The following JMY variants were observed in gnomAD, a reference collection of about 807,000 sequenced individuals.
The protein encoded by JMY is junction mediating and regulatory protein, p53 cofactor.
JMY carries 46 observed loss-of-function variants against 103.3 expected under a neutral mutation model. That is an observed-to-expected ratio of 0.45 (90% confidence interval 0.35 to 0.57). The LOEUF is 0.57. Among genes scored for constraint, JMY ranks in the 20% least tolerant of loss-of-function variants. JMY has a pLI of 0.00. For synonymous variants in JMY, 526 were observed against 489.3 expected, an observed-to-expected ratio of 1.07 and a Z score of -0.99; for missense variants, 1,238 against 1,255.2, an observed-to-expected ratio of 0.99 and a Z score of 0.21.
chr5:79,314,642 C>CCA lies in JMY; in HGVS notation c.2450_2451insCA (p.Pro818IlefsTer71). On this transcript the variant is annotated frameshift_variant, in exon 9 of 11. Transcript: ENST00000396137. LOFTEE classifies it high-confidence loss of function. ...CCAACACCACCACCTCCCCCACCTC[C>CCA]TCCCCCTCCCCCACCACCACCACCT... 6.9e-7 allele frequency: 1 copy of CCA among 1,453,252 alleles called. No individual in the cohort carries two copies. Among genetic ancestry groups the CCA allele is most frequent in the Non-Finnish European group, 9.5e-7 (1 of 1,048,588 alleles). The allele number at this position is 1,453,252 out of a possible 1,614,324, so 90.0% of individuals were successfully genotyped here.
chr5:79,313,358 G>A (rs774071528), intron 8 of JMY, among the ~76,000 whole-genome samples: 1 of 152,138 alleles, frequency 6.6e-6, no homozygotes. Context: ...GGTCATGGCT[G>A]CAGTGAGCTG....
chr5:79,299,088 C>T (rs774129989), intron 4 of JMY, among the ~76,000 whole-genome samples: 5 of 152,120 alleles, frequency 3.3e-5, no homozygotes, highest in Non-Finnish European at 7.3e-5. Flanking sequence ...CCCTTTTGTT[C>T]CTCTCGTCTC....
intron 1 of JMY, among the ~76,000 whole-genome samples, chr5:79,268,353 G>A (rs1022925582): frequency 1.3e-5 from 2 of 152,062 alleles, no homozygotes; most frequent in African/African-American, 2.4e-5. Context: ...TGGTTGTTCC[G>A]CATCCTCTAG....
intron 2 of JMY, chr5:79,284,620 A>G (rs561702957): frequency 7.1e-6 from 11 of 1,552,314 alleles, no homozygotes; most frequent in East Asian, 2.2e-5. Flanking sequence ...GATCCATGCC[A>G]TGGAAGTTAG....
At chr5:79,294,027 G>T (rs1453240969) in intron 4 of JMY, among the ~76,000 whole-genome samples, 2 of 152,172 alleles carry the variant, frequency 1.3e-5, no homozygotes, top group Admixed American at 1.3e-4. Flanking sequence ...TATGCTGGAA[G>T]TGTTATTAAA....
At chr5:79,300,550 C>T (rs897371407) in intron 5 of JMY, 126 bp from the exon 6 acceptor site, 1 of 786,274 alleles carries the variant, frequency 1.3e-6, no homozygotes, top group Non-Finnish European at 2.0e-6. Flanking sequence ...TCACCACTTA[C>T]AAAGAAGCTT....
chr5:79,267,776 A>T (rs890782481), intron 1 of JMY, among the ~76,000 whole-genome samples: 1 of 152,202 alleles, frequency 6.6e-6, no homozygotes, highest in African/African-American at 2.4e-5. Flanking sequence ...TTGCTTATCC[A>T]TTCACCTGTT....
rs539581871 is a variant in JMY at position 79,236,330 on chromosome 5, C to G, written c.-321C>G. On this transcript the variant is annotated 5_prime_UTR_variant, in exon 1 of 11. Coordinates refer to ENST00000396137, the MANE Select transcript of JMY (RefSeq NM_152405.5). The stretch of plus-strand genomic sequence containing the variant: ...CACCACCGGAGCGCCGCAGACGCAG[C>G]TCCACGGCCTCGCGCGGGGGGCGGC... The G allele has an allele frequency of 6.6e-5, 14 of 212,278 alleles. No homozygotes were observed. Among genetic ancestry groups the G allele is most frequent in the African/African-American group, 3.2e-4 (14 of 43,614 alleles). The allele number at this position is 212,278 out of a possible 1,614,324, so 13.1% of individuals were successfully genotyped here. A position where few individuals can be genotyped will look rare whatever the true frequency, so the allele number is the denominator to read the frequency against.
chr5:79,282,625 T>C (rs1453827046), intron 2 of JMY, among the ~76,000 whole-genome samples: 1 of 152,150 alleles, frequency 6.6e-6, no homozygotes, highest in Non-Finnish European at 1.5e-5. Flanking sequence ...ACAATCTCTG[T>C]CAGAGATTGG....
chr5:79,305,261 C>T (rs1746845756), intron 6 of JMY, among the ~76,000 whole-genome samples: 1 of 152,036 alleles, frequency 6.6e-6, no homozygotes, highest in Non-Finnish European at 1.5e-5. Flanking sequence ...ACCAATCTGG[C>T]CAACATGGTG....
intron 1 of JMY, among the ~76,000 whole-genome samples, chr5:79,237,996 C>T (rs984089806): frequency 6.6e-6 from 1 of 152,152 alleles, no homozygotes; most frequent in East Asian, 1.9e-4. Flanking sequence ...CATGGGCTAC[C>T]TGAGCATTTT....
intron 1 of JMY, among the ~76,000 whole-genome samples, chr5:79,249,483 G>T (rs1745010168): frequency 6.6e-6 from 1 of 152,202 alleles, no homozygotes; most frequent in Admixed American, 6.5e-5. Flanking sequence ...TCCCTGTATA[G>T]CCTTGGAGTT....
intron 8 of JMY, 94 bp from the exon 9 acceptor site, chr5:79,314,162 TA>T: frequency 6.6e-7 from 1 of 1,511,484 alleles, no homozygotes; most frequent in South Asian, 1.4e-5. Context: ...CCCGGCCACA[TA>T]ACATCTTTTA....
At chr5:79,316,898 TAAAAAAAAAA>T (rs34558016) in intron 10 of JMY, among the ~76,000 whole-genome samples, 935 of 83,682 alleles carry the variant, frequency 0.011, 16 homozygotes, top group African/African-American at 0.04. Flanking sequence ...GACTCAGTCT[TAAAAAAAAAA>T]AAAAAAAAAA....
chr5:79,314,306 A>G lies in JMY; in HGVS notation c.2114A>G (p.His705Arg). ...AAATCAACCAGATTACGACTAGCTC[A>G]TGCAAGAAGAAAAGGTGCAGCAAGT... is the stretch of plus-strand genomic sequence containing the variant. Reference protein sequence around the residue: ...ILKSTRLRLAHARRKGAASPV... With the variant: ...ILKSTRLRLARARRKGAASPV... Residue 705 changes from histidine to arginine, a missense_variant, in exon 9 of 11, where the codon CAT (histidine) becomes CGT (arginine). Physicochemically the swap from His to Arg is conservative, Grantham distance 29 (BLOSUM62 0). Coordinates refer to ENST00000396137, the MANE Select transcript of JMY (RefSeq NM_152405.5). The G allele has an allele frequency of 6.2e-7, 1 of 1,614,084 alleles. No homozygotes were observed. Among genetic ancestry groups the G allele is most frequent in the Non-Finnish European group, 8.5e-7 (1 of 1,179,914 alleles).
At chr5:79,289,910 GA>G (rs1250065881) in intron 2 of JMY, among the ~76,000 whole-genome samples, 1 of 152,136 alleles carries the variant, frequency 6.6e-6, no homozygotes, top group Non-Finnish European at 1.5e-5. Context: ...TATGGAGTGA[GA>G]GGGGGATGGA....
intron 6 of JMY, among the ~76,000 whole-genome samples, chr5:79,303,920 A>C (rs1299274753): frequency 6.6e-6 from 1 of 152,090 alleles, no homozygotes; most frequent in Non-Finnish European, 1.5e-5. Context: ...ATAGCAAAGG[A>C]AACTGTACAG....
At position 79,291,148 on chromosome 5, in the gene JMY, G is replaced by T; in HGVS notation, c.1376G>T (p.Arg459Leu). 1 of 1,605,384 alleles carries T rather than the reference G, an allele frequency of 6.2e-7. No individual in the cohort carries two copies. The highest frequency in any genetic ancestry group is 8.5e-7 in the Non-Finnish European group (1 of 1,177,284). ...KAQKAVYDRM[R>L]ADQKKFGKAS... ...TTAATAGCTGTGTATGATCGAATGC[G>T]AGCTGATCAGAAGAAATTTGGTAAA... Residue 459 changes from arginine (R) to leucine (L), a missense_variant, in exon 4 of 11, where the codon CGA becomes CTA. Transcript: ENST00000396137.
Position 79,277,983 on chromosome 5 carries a change from A to G in JMY, c.1106A>G (p.Tyr369Cys), listed in dbSNP as rs942882588. The stretch of plus-strand genomic sequence containing the variant: ...TTGTATCAGATGGAGGATGAAGCCT[A>G]CAGCAGCCTTGCAGAAGCTACAACC... ...LDLYQMEDEA[Y>C]SSLAEATTEL... Residue 369 changes from tyrosine to cysteine, a missense_variant, in exon 2 of 11, where the codon TAC becomes TGC. Transcript: ENST00000396137. 3 of 1,613,948 alleles carry G rather than the reference A, an allele frequency of 1.9e-6. No homozygotes were observed. In the African/African-American group the frequency reaches 4.0e-5, roughly 22 times the overall value.
Sources: gnomAD v4.1 joint callset for allele counts (sites outside exome capture counted in the v4.1 genomes callset) on GRCh38, gnomAD v4.1.1 for gene constraint, MANE v1.5 for transcripts, NCBI Gene and HGNC (gene_info 2026-07-23, HGNC 2026-07-21) for gene names.